Variants in HUWE1 observed in about 807,000 individuals in gnomAD.
HUWE1 encodes HECT, UBA and WWE domain containing E3 ubiquitin protein ligase 1, also known as E3 ubiquitin-protein ligase HUWE1.
A neutral mutation model predicts 299.4 loss-of-function variants in HUWE1; 18 were observed. The observed-to-expected ratio is 0.06, with a 90% CI of 0.04 to 0.09. HUWE1 has a LOEUF of 0.09. Among genes scored for constraint, HUWE1 ranks in the 10% least tolerant of loss-of-function variants. The pLI is 1.00. For synonymous variants in HUWE1, 1,317 were observed against 1,286.1 expected (o/e 1.02, Z -0.51); for missense variants, 1,832 against 3,462.3 (o/e 0.53, Z 11.82).
chrX:53,568,987 A>T, intron 48 of HUWE1, 113 bp from the exon 49 acceptor site: 1 of 609,799 alleles, frequency 1.6e-6, no homozygotes, highest in Non-Finnish European at 2.6e-6. Flanking sequence ...TCCTTCTGGA[A>T]ATAACATCTA....
In HUWE1 at chrX:53,554,864, T is replaced by A. The variant is rs782629454; in HGVS notation, c.8263A>T (p.Thr2755Ser). The A allele has an allele frequency of 8.3e-7, 1 of 1,200,193 alleles. No homozygotes were observed. Among genetic ancestry groups the A allele is most frequent in the Non-Finnish European group, 1.1e-6 (1 of 888,470 alleles). ...PTTPSSTDAA[T>S]SESKETLGTL... is the part of the protein sequence containing the mutation. The stretch of plus-strand genomic sequence containing the variant: ...CCAAGGGTCTCCTTGGACTCAGATG[T>A]AGCTGCATCAGTTGAAGATGGGGTT... Residue 2755 changes from threonine to serine, a missense_variant, in exon 61 of 84, where the codon ACA becomes TCA. Thr to Ser is a moderately conservative substitution (Grantham distance 58, BLOSUM62 1). Around this residue, in one of 15 missense-constraint regions of HUWE1, gnomAD observed 143 missense variants for 148.1 expected, o/e 0.97. Coordinates refer to ENST00000262854, the MANE Select transcript of HUWE1 (RefSeq NM_031407.7).
Position 53,592,295 on chromosome X carries a change from A to T in HUWE1, c.3972+103T>A. ...GGAAATCTAAACTGTCTCCTGGTTA[A>T]TGTGACCAGGGACTCAGTGGTATGT... is the stretch of plus-strand genomic sequence containing the variant. On this transcript the variant is annotated intron_variant, in intron 33 of 83. Coordinates refer to ENST00000262854, the MANE Select transcript of HUWE1 (RefSeq NM_031407.7). 3 of 602,724 alleles carry T rather than the reference A, an allele frequency of 5.0e-6. No homozygotes were observed. In the South Asian group the frequency reaches 6.8e-5, roughly 14 times the overall value. 49.7% of individuals were successfully genotyped at this position (602,724 alleles called of 1,213,427 possible).
At chrX:53,661,802 A>AT (rs1277843609) in intron 3 of HUWE1, among the ~76,000 whole-genome samples, 1 of 111,100 alleles carries the variant, frequency 9.0e-6, no homozygotes, top group African/African-American at 3.3e-5. Flanking sequence ...TTTATCTAAT[A>AT]TTTTTTTTCA....
At chrX:53,578,568 CGGGAGGG>C (rs2063348080) in intron 43 of HUWE1, among the ~76,000 whole-genome samples, 2 of 89,991 alleles carry the variant, frequency 2.2e-5, no homozygotes, top group Non-Finnish European at 2.2e-5. Context: ...CCGCCCCGTC[CGGGAGGG>C]GGGAGGGGGG....
At chrX:53,659,187 A>G (rs184349451) in intron 3 of HUWE1, among the ~76,000 whole-genome samples, 163 of 112,437 alleles carry the variant, frequency 1.4e-3, no homozygotes, top group African/African-American at 5.1e-3. Flanking sequence ...AGCAATCAAT[A>G]CTCCCTGGTA....
intron 40 of HUWE1, among the ~76,000 whole-genome samples, chrX:53,584,641 C>T (rs2063773334): frequency 8.9e-6 from 1 of 111,734 alleles, no homozygotes. Context: ...CAAATTGCTA[C>T]AGACCCAAGG....
Position 53,547,879 on chromosome X carries a change from C to A in HUWE1, c.10430G>T (p.Gly3477Val). 1 of 1,208,140 alleles carries A rather than the reference C, an allele frequency of 8.3e-7. No individual in the cohort carries two copies. The highest frequency in any genetic ancestry group is 1.1e-6 in the Non-Finnish European group (1 of 893,775). Residue 3477 changes from glycine (G) to valine (V), a missense_variant, in exon 68 of 84, where the codon GGC becomes GTC. Around this residue, in one of 15 missense-constraint regions of HUWE1, gnomAD observed 119 missense variants for 124.6 expected, o/e 0.96. Transcript: ENST00000262854. ...NKVSEAQANS[G>V]SGASSTTTAT... ...AGTGGTGGTGGAGGAAGCACCGCTGCCAGAATTAGCCTGTGCTTCTGACAC... is the reference window on the plus strand; with the variant it reads ...AGTGGTGGTGGAGGAAGCACCGCTGACAGAATTAGCCTGTGCTTCTGACAC...
intron 4 of HUWE1, among the ~76,000 whole-genome samples, chrX:53,653,527 T>C (rs186631033): frequency 8.9e-6 from 1 of 111,859 alleles, no homozygotes; most frequent in East Asian, 2.8e-4. Context: ...GGTGGAATAT[T>C]ACTAGATTAA....
At position 53,580,907 on chromosome X, in the gene HUWE1, G is replaced by A; in HGVS notation, c.5640C>T (p.Arg1880=). ...CCACTTCTGTGAATATGTCTGGATTGCGGCATGCGGCTGGCCCAAGGACAC... is the reference window on the plus strand; with the variant it reads ...CCACTTCTGTGAATATGTCTGGATTACGGCATGCGGCTGGCCCAAGGACAC... The part of the protein sequence containing the change: ...ILRVLGPAAC[R]NPDIFTEVAN... Residue 1880 remains arginine, a synonymous_variant, in exon 43 of 84, where the codon CGC becomes CGT. Coordinates refer to ENST00000262854, the MANE Select transcript of HUWE1 (RefSeq NM_031407.7). 8.3e-7 allele frequency: 1 copy of A among 1,211,232 alleles called. No homozygotes were observed. The highest frequency in any genetic ancestry group is 1.1e-6 in the Non-Finnish European group (1 of 895,243).
At chrX:53,578,851 A>G (rs1325593599) in intron 43 of HUWE1, among the ~76,000 whole-genome samples, 4 of 34,314 alleles carry the variant, frequency 1.2e-4, no homozygotes, top group Non-Finnish European at 2.1e-4. Context: ...TCCGGGAGGG[A>G]GGTGGGGGGT....
intron 3 of HUWE1, among the ~76,000 whole-genome samples, chrX:53,658,376 T>TA (rs782345015): frequency 1.8e-4 from 20 of 111,744 alleles, no homozygotes; most frequent in African/African-American, 6.5e-4. Context: ...CTAAAATTTA[T>TA]ATGAAGAGGC....
chrX:53,635,240 AT>A (rs1280321133), intron 7 of HUWE1, among the ~76,000 whole-genome samples: 1 of 109,567 alleles, frequency 9.1e-6, no homozygotes, highest in African/African-American at 3.3e-5. Flanking sequence ...TTTTTAAAAA[AT>A]TATAAATATG....
intron 17 of HUWE1, among the ~76,000 whole-genome samples, chrX:53,626,640 A>G (rs1010600181): frequency 4.5e-5 from 5 of 111,991 alleles, no homozygotes; most frequent in Admixed American, 2.8e-4. Context: ...TTTACTTTAT[A>G]CACTTGAATA....
chrX:53,573,692 C>T lies in HUWE1; in HGVS notation c.6312+58G>A, dbSNP rs782122824. On this transcript the variant is annotated intron_variant, in intron 47 of 83. Transcript: ENST00000262854. Reference sequence around the variant, plus strand: ...GCTTCCCAGCAGTGTCTGACACAGGCGGTACCCAAATGATGGAAGTACAGT... The same window carrying T: ...GCTTCCCAGCAGTGTCTGACACAGGTGGTACCCAAATGATGGAAGTACAGT... The T allele has an allele frequency of 1.2e-3, 1,212 of 972,062 alleles. 2 individuals carry two copies. The highest frequency in any genetic ancestry group is 9.9e-3 in the Middle Eastern group (37 of 3,719). The allele number at this position is 972,062 out of a possible 1,213,427, so 80.1% of individuals were successfully genotyped here. A position where few individuals can be genotyped will look rare whatever the true frequency, so the allele number is the denominator to read the frequency against.
Position 53,671,607 on chromosome X carries a change from G to A in HUWE1, c.-25+8442C>T, listed in dbSNP as rs933291598. ...AGATCGAGACCATCCTGGCTAACAC[G>A]GTGAAACCCCGTCTCTACTAAAAAT... On this transcript the variant is annotated intron_variant, in intron 3 of 83. Transcript: ENST00000262854. Among the ~76,000 whole-genome samples the A allele has an allele frequency of 8.2e-5, 9 of 110,255 alleles. No homozygotes were observed. The East Asian group carries it at 1.1e-3, about 14-fold the overall frequency.
chrX:53,581,367 T>C (rs782628204), intron 42 of HUWE1, among the ~76,000 whole-genome samples: 1 of 112,419 alleles, frequency 8.9e-6, no homozygotes, highest in Non-Finnish European at 1.9e-5. Context: ...CAAAAACATG[T>C]AACACTGTAA....
At chrX:53,654,580 T>C (rs1557042064) in intron 3 of HUWE1, among the ~76,000 whole-genome samples, 2 of 111,626 alleles carry the variant, frequency 1.8e-5, no homozygotes, top group African/African-American at 6.5e-5. Context: ...TGACCATGTA[T>C]AATAGTAAAA....
At chrX:53,543,649 T>G (rs1480904650) in intron 73 of HUWE1, 192 bp downstream of exon 73, 2 of 659,133 alleles carry the variant, frequency 3.0e-6, no homozygotes, top group African/African-American at 4.4e-5. Flanking sequence ...AAGCTTTAAA[T>G]CAAATCAAAC....
At chrX:53,641,306 TATG>T (rs1280335903) in intron 7 of HUWE1, among the ~76,000 whole-genome samples, 1 of 111,972 alleles carries the variant, frequency 8.9e-6, no homozygotes, top group African/African-American at 3.2e-5. Flanking sequence ...ACTATAGCTT[TATG>T]ATATTATCTG....
Sources: gnomAD v4.1 joint callset for allele counts (sites outside exome capture counted in the v4.1 genomes callset) on GRCh38, gnomAD v4.1.1 for gene constraint, gnomAD v4.1.1 regional missense constraint, MANE v1.5 for transcripts, NCBI Gene and HGNC (gene_info 2026-07-23, HGNC 2026-07-21) for gene names.